The following ADAMTS20 variants were observed in gnomAD, a reference collection of about 807,000 sequenced individuals.
ADAMTS20 encodes the protein ADAM metallopeptidase with thrombospondin type 1 motif 20.
Under a neutral mutation model 260.1 loss-of-function variants are expected in ADAMTS20, and 225 were observed. That is an observed-to-expected ratio of 0.87 (90% CI 0.78 to 0.97). The LOEUF (loss-of-function observed/expected upper bound fraction) is 0.97, where lower values mean the gene tolerates loss of function less well. ADAMTS20 is among the 50% of genes least tolerant of loss of function. The probability of loss-of-function intolerance (pLI) is 0.00; values close to 1 mark genes in which losing one functional copy is unlikely to be tolerated. For missense variants in ADAMTS20, 2,400 were observed against 2,337.7 expected (o/e 1.03, Z -0.55); for synonymous variants, 802 against 769.5 (o/e 1.04, Z -0.70).
intron 7 of ADAMTS20, among the ~76,000 whole-genome samples, chr12:43,477,085 T>C (rs1942369794): frequency 6.7e-6 from 1 of 150,088 alleles, no homozygotes; most frequent in South Asian, 2.1e-4. Flanking sequence ...ACCTTAACTA[T>C]CATTATAATC....
chr12:43,417,823 A>G (rs1443256536), intron 28 of ADAMTS20, among the ~76,000 whole-genome samples: 3 of 152,244 alleles, frequency 2.0e-5, no homozygotes, highest in African/African-American at 7.2e-5. Context: ...TACAACATTT[A>G]TAACTCATTA....
intron 29 of ADAMTS20, 52 bp from the exon 30 acceptor site, chr12:43,384,029 T>C (rs929166802): frequency 2.0e-6 from 3 of 1,506,510 alleles, no homozygotes; most frequent in South Asian, 1.4e-5. Flanking sequence ...TACCAAATTA[T>C]ATAAAAGTAG....
At position 43,439,974 on chromosome 12, in the gene ADAMTS20, T is replaced by C. The variant is rs1007302974; in HGVS notation, c.2386A>G (p.Ile796Val). ...EINVQGTRTV[I>V]EYSGSNNAVE... ...GCGTTATTTGATCCACTGTATTCAA[T>C]AACAGTTCTTGTTCCTTGCACATTG... is the stretch of plus-strand genomic sequence containing the variant. The change falls in exon 17 of 39, where the codon ATT (isoleucine) becomes GTT (valine). Residue 796 changes from isoleucine (I) to valine (V), a missense_variant. Physicochemically the swap from Ile to Val is conservative, Grantham distance 29. Transcript: ENST00000389420. The C allele has an allele frequency of 5.0e-6, 8 of 1,597,556 alleles. No individual in the cohort carries two copies. Among genetic ancestry groups the C allele is most frequent in the Non-Finnish European group, 6.8e-6 (8 of 1,170,316 alleles).
intron 3 of ADAMTS20, among the ~76,000 whole-genome samples, chr12:43,527,151 A>G (rs1943154349): frequency 1.3e-5 from 2 of 152,268 alleles, no homozygotes; most frequent in South Asian, 4.1e-4. Flanking sequence ...AGAAATAGAA[A>G]CCCTACACAG....
At chr12:43,524,701 G>A (rs1005189468) in intron 3 of ADAMTS20, among the ~76,000 whole-genome samples, 2 of 152,120 alleles carry the variant, frequency 1.3e-5, no homozygotes, top group Admixed American at 6.6e-5. Flanking sequence ...GATATACTTA[G>A]GGAAATACAA....
chr12:43,497,987 T>A (rs562298314), intron 4 of ADAMTS20, among the ~76,000 whole-genome samples: 28 of 152,238 alleles, frequency 1.8e-4, no homozygotes, highest in Admixed American at 6.5e-4. Flanking sequence ...AAAAAACTGC[T>A]CTAGTTTACA....
At chr12:43,382,584 T>C (rs1209351940) in intron 31 of ADAMTS20, among the ~76,000 whole-genome samples, 1 of 152,112 alleles carries the variant, frequency 6.6e-6, no homozygotes, top group Non-Finnish European at 1.5e-5. Flanking sequence ...ATACAGGTGA[T>C]TATACTAAAA....
chr12:43,539,874 T>C (rs1943352223), intron 2 of ADAMTS20, among the ~76,000 whole-genome samples: 1 of 146,442 alleles, frequency 6.8e-6, no homozygotes, highest in African/African-American at 2.5e-5. Flanking sequence ...AAAGTACTTA[T>C]ATTAACCATA....
chr12:43,550,811 G>A (rs1252786509), intron 2 of ADAMTS20, 98 bp downstream of exon 2: 31 of 1,428,554 alleles, frequency 2.2e-5, no homozygotes, highest in Non-Finnish European at 2.9e-5. Flanking sequence ...TGAACTCCAG[G>A]GTCATCAGCC....
chr12:43,407,619 TATA>T (rs1172582839), intron 28 of ADAMTS20, among the ~76,000 whole-genome samples: 2 of 152,074 alleles, frequency 1.3e-5, no homozygotes, highest in African/African-American at 4.8e-5. Context: ...TATCTCATTT[TATA>T]ATATTATTTT....
intron 31 of ADAMTS20, among the ~76,000 whole-genome samples, chr12:43,382,015 T>C (rs1940365754): frequency 1.3e-5 from 2 of 151,964 alleles, no homozygotes; most frequent in African/African-American, 4.8e-5. Context: ...GAGAGAGAAA[T>C]AGGAACCTTT....
intron 27 of ADAMTS20, among the ~76,000 whole-genome samples, chr12:43,426,463 G>C (rs574020617): frequency 2.1e-5 from 3 of 145,450 alleles, no homozygotes; most frequent in Non-Finnish European, 3.0e-5. Context: ...AAATCATTAA[G>C]CAAAAACATT....
intron 2 of ADAMTS20, among the ~76,000 whole-genome samples, chr12:43,535,999 G>A (rs960400666): frequency 6.6e-6 from 1 of 152,094 alleles, no homozygotes; most frequent in Non-Finnish European, 1.5e-5. Context: ...CGAGTCAGGT[G>A]AGGCTAAGTC....
At chr12:43,409,673 CAGAA>C (rs1349661665) in intron 28 of ADAMTS20, among the ~76,000 whole-genome samples, 1 of 145,556 alleles carries the variant, frequency 6.9e-6, no homozygotes, top group African/African-American at 2.6e-5. Flanking sequence ...AATATTTAAC[CAGAA>C]AGAGTTTTTT....
At chr12:43,460,988 A>ATATATATATATATATATTTT in intron 11 of ADAMTS20, among the ~76,000 whole-genome samples, 2 of 26,394 alleles carry the variant, frequency 7.6e-5, no homozygotes, top group Non-Finnish European at 1.3e-4. Flanking sequence ...ATATATATAT[A>ATATATATATATATATATTTT]TTTTTTTTTT....
At chr12:43,444,665 G>T (rs551389046) in intron 15 of ADAMTS20, among the ~76,000 whole-genome samples, 1 of 151,962 alleles carries the variant, frequency 6.6e-6, no homozygotes, top group African/African-American at 2.4e-5. Flanking sequence ...CAAATACGCA[G>T]GTTTTTAAAT....
At chr12:43,388,435 T>A (rs150725442) in intron 29 of ADAMTS20, among the ~76,000 whole-genome samples, 11 of 152,202 alleles carry the variant, frequency 7.2e-5, no homozygotes, top group Non-Finnish European at 1.6e-4. Flanking sequence ...TGCATTGGTC[T>A]CACTAGAAGC....
intron 28 of ADAMTS20, among the ~76,000 whole-genome samples, chr12:43,403,183 C>A (rs1940846294): frequency 6.6e-6 from 1 of 152,034 alleles, no homozygotes; most frequent in African/African-American, 2.4e-5. Context: ...TAGAGAAAAG[C>A]TGTACATAAT....
Position 43,425,519 on chromosome 12 carries a change from T to G in ADAMTS20, c.4279A>C (p.Thr1427Pro). The change falls in exon 28 of 39, where the codon ACA becomes CCA. Residue 1427 changes from threonine to proline, a missense_variant. Transcript: ENST00000389420. ...AGACAAGAGTGCTATCATACCGATG[T>G]CCATGGTTCCTGATGCCATGACACA... ...ADVSWHQEPW[T>P]SCSASCGKGR... The G allele has an allele frequency of 6.6e-7, 1 of 1,512,736 alleles. No homozygotes were observed. The allele number at this position is 1,512,736 out of a possible 1,614,324, so 93.7% of individuals were successfully genotyped here.
Sources: gnomAD v4.1 joint callset for allele counts (sites outside exome capture counted in the v4.1 genomes callset) on GRCh38, gnomAD v4.1.1 for gene constraint, MANE v1.5 for transcripts, NCBI Gene and HGNC (gene_info 2026-07-23, HGNC 2026-07-21) for gene names.